FREM2: variants seen among roughly 807,000 people sequenced by gnomAD.
FREM2 encodes the protein FRAS1-related extracellular matrix protein 2.
FREM2 carries 119 observed loss-of-function variants against 219.9 expected under a neutral mutation model. That is an observed-to-expected ratio of 0.54 (90% confidence interval 0.47 to 0.63). The LOEUF (loss-of-function observed/expected upper bound fraction) is 0.63. Ranked by LOEUF, FREM2 falls within the 30% of genes least tolerant of loss-of-function variation. FREM2 has a pLI of 0.00. For missense variants in FREM2, 4,030 were observed against 3,993.6 expected, an observed-to-expected ratio of 1.01 and a Z score of -0.25; for synonymous variants, 1,562 against 1,522.8, an observed-to-expected ratio of 1.03 and a Z score of -0.60.
chr13:38,840,883 A>G (rs1005189679), intron 6 of FREM2, among the ~76,000 whole-genome samples: 1 of 152,146 alleles, frequency 6.6e-6, no homozygotes, highest in Non-Finnish European at 1.5e-5. Context: ...CTTTGTATGC[A>G]TCTTTGAACA....
At chr13:38,860,510 C>T (rs551924792) in intron 14 of FREM2, among the ~76,000 whole-genome samples, 114 of 152,312 alleles carry the variant, frequency 7.5e-4, no homozygotes, top group African/African-American at 2.5e-3. Flanking sequence ...TATGTCCCAC[C>T]TGTGACTACT....
chr13:38,828,352 A>G (rs1171824652), intron 6 of FREM2, among the ~76,000 whole-genome samples: 2 of 152,256 alleles, frequency 1.3e-5, no homozygotes, highest in East Asian at 3.9e-4. Flanking sequence ...TACTCAATAA[A>G]TATTGGTTAT....
chr13:38,856,221 C>T lies in FREM2; in HGVS notation c.7021C>T (p.Leu2341=). Residue 2341 remains leucine, a synonymous_variant, in exon 12 of 24, where the codon CTA becomes TTA. Transcript: ENST00000280481. The part of the protein sequence containing the change: ...REMREAFTVH[L]KPDENMIAEM... The stretch of plus-strand genomic sequence containing the variant: ...GATGAGAGAGGCCTTCACTGTTCAC[C>T]TAAAACCTGATGAAAATATGATAGC... 5.0e-6 allele frequency: 8 copies of T among 1,612,864 alleles called. No homozygotes were observed. Among genetic ancestry groups the T allele is most frequent in the Non-Finnish European group, 6.8e-6 (8 of 1,179,084 alleles).
intron 2 of FREM2, among the ~76,000 whole-genome samples, chr13:38,726,748 A>G (rs529828960): frequency 8.5e-5 from 13 of 152,354 alleles, no homozygotes; most frequent in African/African-American, 3.1e-4. Context: ...TTGTCTTCCC[A>G]ACCCGGTCCT....
rs771370901 is a variant in FREM2, at chr13:38,883,182, T to C, written c.*2395T>C. On this transcript the variant is annotated 3_prime_UTR_variant, in exon 24 of 24. Transcript: ENST00000280481. ...AGAATCTGTGGGAAATAGGCAGATA[T>C]AGCTTTTTAAAATATAAAGTACTTG... 41 of 152,188 alleles carry C rather than the reference T, an allele frequency of 2.7e-4. No individual in the cohort carries two copies. Among genetic ancestry groups the C allele is most frequent in the Admixed American group, 7.9e-4 (12 of 15,266 alleles). 9.4% of individuals were successfully genotyped at this position (152,188 alleles called of 1,614,324 possible).
chr13:38,816,119 C>G (rs1472432995), intron 6 of FREM2, among the ~76,000 whole-genome samples: 1 of 152,156 alleles, frequency 6.6e-6, no homozygotes, highest in Non-Finnish European at 1.5e-5. Flanking sequence ...GAGCTCAGGA[C>G]TGGACAGATT....
At chr13:38,828,183 T>A (rs1296459077) in intron 6 of FREM2, among the ~76,000 whole-genome samples, 1 of 152,126 alleles carries the variant, frequency 6.6e-6, no homozygotes, top group East Asian at 1.9e-4. Flanking sequence ...TTTCAATTAT[T>A]GGTTATTGAT....
intron 6 of FREM2, among the ~76,000 whole-genome samples, chr13:38,794,466 A>T (rs997718614): frequency 1.3e-5 from 2 of 152,184 alleles, no homozygotes; most frequent in Non-Finnish European, 2.9e-5. Context: ...TTTCTTTACC[A>T]CGTGCAAATA....
At chr13:38,862,775 GTT>G (rs1877808851) in intron 15 of FREM2, among the ~76,000 whole-genome samples, 1 of 151,946 alleles carries the variant, frequency 6.6e-6, no homozygotes, top group East Asian at 1.9e-4. Flanking sequence ...CTAGGAATAG[GTT>G]TTATATTTTT....
chr13:38,767,384 A>C (rs1462782711), intron 3 of FREM2, among the ~76,000 whole-genome samples: 1 of 152,162 alleles, frequency 6.6e-6, no homozygotes, highest in Non-Finnish European at 1.5e-5. Context: ...TGGTATTGCA[A>C]CTCATTTAAT....
intron 6 of FREM2, among the ~76,000 whole-genome samples, chr13:38,838,887 T>A (rs1876827315): frequency 6.6e-6 from 1 of 152,158 alleles, no homozygotes; most frequent in Non-Finnish European, 1.5e-5. Flanking sequence ...CTCAGCTTCC[T>A]TGCATTGGGT....
rs541544316 is a variant in FREM2, at chr13:38,737,364, G to A, written c.5264-26940G>A. Among the ~76,000 whole-genome samples the A allele has an allele frequency of 8.5e-5, 13 of 152,244 alleles. No individual in the cohort carries two copies. The East Asian group carries it at 2.3e-3, about 27-fold the overall frequency. On this transcript the variant is annotated intron_variant, in intron 2 of 23. Coordinates refer to ENST00000280481, the MANE Select transcript of FREM2 (RefSeq NM_207361.6). ...ATTTAGATTCTTTTAATTAAAAATA[G>A]CATCTGAGACATCCAAAGGAAAGAA...
intron 6 of FREM2, among the ~76,000 whole-genome samples, chr13:38,810,766 G>T (rs1292112209): frequency 6.6e-6 from 1 of 151,840 alleles, no homozygotes; most frequent in African/African-American, 2.4e-5. Context: ...AGAGATATTA[G>T]CCCATAGTTT....
chr13:38,690,076 C>G lies in FREM2; in HGVS notation c.2732C>G (p.Thr911Ser). The part of the protein sequence containing the change: ...SYAHNGDKSL[T>S]DSCSLEVSDR... ...GCCCATAATGGGGACAAGTCCCTGA[C>G]TGATAGCTGCTCCTTGGAAGTCAGT... Residue 911 changes from threonine (T) to serine (S), a missense_variant, in exon 1 of 24, where the codon ACT (threonine) becomes AGT (serine). Thr to Ser is a moderately conservative substitution (Grantham distance 58). Coordinates refer to ENST00000280481, the MANE Select transcript of FREM2 (RefSeq NM_207361.6). 6.2e-6 allele frequency: 10 copies of G among 1,614,102 alleles called. No homozygotes were observed. Among genetic ancestry groups the G allele is most frequent in the Non-Finnish European group, 8.5e-6 (10 of 1,180,030 alleles).
chr13:38,740,191 TTGTAA>T (rs1233011845), intron 2 of FREM2, among the ~76,000 whole-genome samples: 1 of 152,212 alleles, frequency 6.6e-6, no homozygotes, highest in Non-Finnish European at 1.5e-5. Flanking sequence ...AAACAAGTAA[TTGTAA>T]TGTAAGTGGT....
At chr13:38,704,987 G>C (rs1197636176) in intron 2 of FREM2, among the ~76,000 whole-genome samples, 1 of 152,202 alleles carries the variant, frequency 6.6e-6, no homozygotes, top group East Asian at 1.9e-4. Flanking sequence ...TTTCTCCCTC[G>C]ACACATGGGA....
At chr13:38,850,690 CTAAGA>C (rs1265995263) in intron 9 of FREM2, among the ~76,000 whole-genome samples, 1 of 152,190 alleles carries the variant, frequency 6.6e-6, no homozygotes, top group African/African-American at 2.4e-5. Context: ...CCCTTGTTTT[CTAAGA>C]TGAGTGGCAG....
intron 6 of FREM2, among the ~76,000 whole-genome samples, chr13:38,823,905 A>T (rs1195286165): frequency 6.6e-5 from 10 of 152,094 alleles, no homozygotes; most frequent in Admixed American, 6.6e-4. Context: ...AAAGACAAAG[A>T]TTTGCAATAT....
At chr13:38,724,486 T>C (rs1034644852) in intron 2 of FREM2, among the ~76,000 whole-genome samples, 1 of 152,206 alleles carries the variant, frequency 6.6e-6, no homozygotes, top group Non-Finnish European at 1.5e-5. Context: ...TTGTAAGATA[T>C]TATTTACAGA....
Sources: gnomAD v4.1 joint callset for allele counts (sites outside exome capture counted in the v4.1 genomes callset) on GRCh38, gnomAD v4.1.1 for gene constraint, MANE v1.5 for transcripts, NCBI Gene and HGNC (gene_info 2026-07-23, HGNC 2026-07-21) for gene names.